The following UBR1 variants were observed in gnomAD, a reference collection of about 807,000 sequenced individuals.
UBR1 encodes ubiquitin protein ligase E3 component n-recognin 1.
A neutral mutation model predicts 242.1 loss-of-function variants in UBR1; 102 were observed. The ratio of observed to expected loss-of-function variants is 0.42; its 90% CI spans 0.36 to 0.50. The LOEUF (loss-of-function observed/expected upper bound fraction) is 0.50, where lower values mean the gene tolerates loss of function less well. Among genes scored for constraint, UBR1 ranks in the 20% least tolerant of loss-of-function variants. The probability of loss-of-function intolerance (pLI) is 0.01; values close to 1 mark genes in which losing one functional copy is unlikely to be tolerated. For synonymous variants in UBR1, 675 were observed against 684.8 expected (o/e 0.99, Z 0.22); for missense variants, 1,772 against 2,101.8 (o/e 0.84, Z 3.07).
In UBR1 at chr15:42,984,005, G is replaced by A. The variant is rs776845639; in HGVS notation, c.4054-12C>T. The stretch of plus-strand genomic sequence containing the variant: ...TTCAGACCATTATGCTAGATTGTAA[G>A]AGAGAAGGAAGATAAAAAGATGAGG... On this transcript the variant is annotated splice_polypyrimidine_tract_variant and intron_variant, in intron 36 of 46. Transcript: ENST00000290650. 1.6e-5 allele frequency: 26 copies of A among 1,606,532 alleles called. No individual in the cohort carries two copies. In the East Asian group the frequency reaches 5.4e-4, roughly 33 times the overall value.
intron 45 of UBR1, among the ~76,000 whole-genome samples, chr15:42,951,545 T>C (rs2031834394): frequency 6.6e-6 from 1 of 152,108 alleles, no homozygotes; most frequent in Non-Finnish European, 1.5e-5. Context: ...TTTTCTATCC[T>C]CAATCTTTTG....
At chr15:43,098,412 T>G (rs2034186499) in intron 1 of UBR1, among the ~76,000 whole-genome samples, 1 of 152,206 alleles carries the variant, frequency 6.6e-6, no homozygotes, top group African/African-American at 2.4e-5. Context: ...CTGAAAGGCT[T>G]CCTTGAGACA....
In UBR1 at chr15:43,015,614, C is replaced by G. The variant is rs537835828; in HGVS notation, c.3209+74G>C. ...CTATGACCCTGCCAAATCCCCCTCT[C>G]GGAGAAACACCCAAGAATGATCAAT... On this transcript the variant is annotated intron_variant, in intron 29 of 46. Transcript: ENST00000290650. 193 of 1,515,516 alleles carry G rather than the reference C, an allele frequency of 1.3e-4. No individual in the cohort carries two copies. The African/African-American group carries it at 2.2e-3, about 17-fold the overall frequency. 93.9% of individuals were successfully genotyped at this position (1,515,516 alleles called of 1,614,324 possible).
chr15:42,973,791 A>G (rs891959192), intron 39 of UBR1, among the ~76,000 whole-genome samples: 3 of 151,682 alleles, frequency 2.0e-5, no homozygotes, highest in African/African-American at 7.3e-5. Flanking sequence ...CAGCCTATCA[A>G]TTATTTCTCT....
At chr15:42,978,963 T>C (rs998690605) in intron 37 of UBR1, among the ~76,000 whole-genome samples, 3 of 149,938 alleles carry the variant, frequency 2.0e-5, no homozygotes, top group Admixed American at 6.7e-5. Flanking sequence ...GGTACAATCT[T>C]GGCTCACTGT....
intron 12 of UBR1, among the ~76,000 whole-genome samples, chr15:43,054,129 T>G (rs554921837): frequency 2.0e-5 from 3 of 152,258 alleles, no homozygotes; most frequent in Admixed American, 2.0e-4. Context: ...GCAGAAGGAC[T>G]GCTTGACCCC....
chr15:43,074,832 G>T (rs2033867534), intron 4 of UBR1, 147 bp downstream of exon 4: 2 of 660,820 alleles, frequency 3.0e-6, no homozygotes, highest in Non-Finnish European at 5.4e-6. Context: ...TAGTTTCTTT[G>T]GAGCTAGAAA....
chr15:43,013,972 A>C (rs542236523), intron 29 of UBR1, among the ~76,000 whole-genome samples: 15 of 150,630 alleles, frequency 1.0e-4, no homozygotes, highest in Admixed American at 6.0e-4. Context: ...GGCTCACTGC[A>C]ACCTCCCCGC....
intron 12 of UBR1, among the ~76,000 whole-genome samples, chr15:43,053,378 A>G (rs2033579088): frequency 6.6e-6 from 1 of 152,170 alleles, no homozygotes; most frequent in Admixed American, 6.5e-5. Flanking sequence ...CTTCACAGTA[A>G]TGATAGCCAT....
chr15:42,976,482 C>T (rs1294846711), intron 39 of UBR1, among the ~76,000 whole-genome samples: 1 of 152,164 alleles, frequency 6.6e-6, no homozygotes, highest in East Asian at 1.9e-4. Flanking sequence ...TCCAAGTGGT[C>T]TCCCTGCATA....
chr15:43,009,894 CAG>C (rs781728741), intron 29 of UBR1, among the ~76,000 whole-genome samples: 48 of 152,288 alleles, frequency 3.2e-4, no homozygotes, highest in Middle Eastern at 3.4e-3. Flanking sequence ...TTGTTTGAGA[CAG>C]AGTCTTGCAC....
intron 46 of UBR1, among the ~76,000 whole-genome samples, chr15:42,948,872 G>A (rs1263332349): frequency 4.1e-4 from 63 of 152,182 alleles, no homozygotes; most frequent in African/African-American, 9.4e-4. Flanking sequence ...TCAGTGTGGC[G>A]ATTCCTCAAG....
At chr15:43,034,787 A>G (rs534296864) in intron 19 of UBR1, among the ~76,000 whole-genome samples, 2 of 151,216 alleles carry the variant, frequency 1.3e-5, no homozygotes, top group Non-Finnish European at 2.9e-5. Flanking sequence ...CAGGAGGCTG[A>G]GGCAAGAGAA....
At chr15:43,016,742 A>G (rs956504023) in intron 28 of UBR1, among the ~76,000 whole-genome samples, 4 of 152,062 alleles carry the variant, frequency 2.6e-5, no homozygotes, top group African/African-American at 9.7e-5. Flanking sequence ...ACATTGGGCT[A>G]ATTTTTGTAT....
intron 35 of UBR1, chr15:42,988,495 C>G (rs1287987441): frequency 1.7e-5 from 6 of 343,174 alleles, no homozygotes; most frequent in African/African-American, 1.3e-4. Flanking sequence ...ATTGCCCAGG[C>G]TGGTCTCAAA....
rs1411664896 is a variant in UBR1, at chr15:43,070,874, A to G, written c.580T>C (p.Phe194Leu). ...EEVIVQARKIFPSVIKYVVEM... is the reference protein window; with the variant it reads ...EEVIVQARKILPSVIKYVVEM... Reference sequence around the variant, plus strand: ...ACGACATATTTTATCACTGAAGGAAATATTTTCCTGGCTTGGACAATTACC... The same window carrying G: ...ACGACATATTTTATCACTGAAGGAAGTATTTTCCTGGCTTGGACAATTACC... Residue 194 changes from phenylalanine (F) to leucine (L), a missense_variant, in exon 5 of 47, where the codon TTT becomes CTT. Coordinates refer to ENST00000290650, the MANE Select transcript of UBR1 (RefSeq NM_174916.3). 9 of 1,613,760 alleles carry G rather than the reference A, an allele frequency of 5.6e-6. No individual in the cohort carries two copies. In the East Asian group the frequency reaches 6.7e-5, roughly 12 times the overall value.
intron 12 of UBR1, among the ~76,000 whole-genome samples, chr15:43,053,310 G>T (rs1057182401): frequency 6.6e-6 from 1 of 152,154 alleles, no homozygotes; most frequent in Non-Finnish European, 1.5e-5. Context: ...CATAAAATAT[G>T]ATAAAACAAG....
At chr15:43,088,832 T>C (rs1334261689) in intron 1 of UBR1, among the ~76,000 whole-genome samples, 1 of 148,382 alleles carries the variant, frequency 6.7e-6, no homozygotes, top group African/African-American at 2.6e-5. Flanking sequence ...GTCAATACTT[T>C]TGCAACTAAC....
chr15:42,984,483 C>T (rs1189665612), intron 36 of UBR1, among the ~76,000 whole-genome samples: 1 of 152,152 alleles, frequency 6.6e-6, no homozygotes, highest in African/African-American at 2.4e-5. Flanking sequence ...AGTATCTGCC[C>T]ATCAAGGAGT....
Sources: allele counts gnomAD v4.1 joint callset (sites outside exome capture counted in the v4.1 genomes callset), GRCh38; gene constraint gnomAD v4.1.1; transcripts MANE v1.5; gene names NCBI Gene and HGNC (gene_info 2026-07-23, HGNC 2026-07-21).